The following PPP2R2B variants were observed in gnomAD, a reference collection of about 807,000 sequenced individuals.
PPP2R2B encodes serine/threonine-protein phosphatase 2A 55 kDa regulatory subunit B beta isoform.
PPP2R2B carries 5 observed loss-of-function variants against 46.0 expected under a neutral mutation model. That is an observed-to-expected ratio of 0.11 (90% CI 0.06 to 0.23). The LOEUF (loss-of-function observed/expected upper bound fraction) is 0.23. Among genes scored for constraint, PPP2R2B ranks in the 10% least tolerant of loss-of-function variants. The probability of loss-of-function intolerance (pLI) is 1.00; values close to 1 mark genes in which losing one functional copy is unlikely to be tolerated. For synonymous variants in PPP2R2B, 215 were observed against 206.7 expected (o/e 1.04, Z -0.34); for missense variants, 367 against 575.0 (o/e 0.64, Z 3.70).
At chr5:146,691,105 C>A (rs1030187813) in intron 5 of PPP2R2B, 23 bp downstream of exon 5, 1 of 1,600,098 alleles carries the variant, frequency 6.2e-7, no homozygotes, top group Non-Finnish European at 8.6e-7. Context: ...ACTGTGGTGG[C>A]CAGGGCAGCT....
chr5:146,761,848 T>C (rs779953993), intron 2 of PPP2R2B, among the ~76,000 whole-genome samples: 5 of 152,144 alleles, frequency 3.3e-5, no homozygotes, highest in Non-Finnish European at 5.9e-5. Context: ...TTAGTAATGT[T>C]TCCCTGGCTT....
intron 2 of PPP2R2B, among the ~76,000 whole-genome samples, chr5:146,713,394 A>G (rs949070158): frequency 3.3e-5 from 5 of 152,218 alleles, no homozygotes; most frequent in African/African-American, 1.2e-4. Flanking sequence ...GGGCACAACA[A>G]TGTGAATGTA....
At chr5:146,696,139 T>C (rs1025795923) in intron 4 of PPP2R2B, among the ~76,000 whole-genome samples, 8 of 151,914 alleles carry the variant, frequency 5.3e-5, no homozygotes, top group African/African-American at 1.5e-4. Context: ...AGTCTTGCTC[T>C]GTCGCCCAGG....
At chr5:146,981,932 C>T (rs1305736516) in intron 1 of PPP2R2B, among the ~76,000 whole-genome samples, 1 of 152,210 alleles carries the variant, frequency 6.6e-6, no homozygotes. Context: ...CAAACCCTAA[C>T]CTCTGCAGCA....
intron 5 of PPP2R2B, among the ~76,000 whole-genome samples, chr5:146,671,141 T>C (rs527967129): frequency 6.6e-6 from 1 of 152,320 alleles, no homozygotes. Context: ...TGTGATTCAA[T>C]ATTACTTACA....
chr5:146,884,417 C>T (rs13361498), intron 1 of PPP2R2B, among the ~76,000 whole-genome samples: 2,789 of 152,188 alleles, frequency 0.018, 92 homozygotes, highest in African/African-American at 0.063. Context: ...TGAGTAATTG[C>T]TTTTATAGGG....
intron 1 of PPP2R2B, among the ~76,000 whole-genome samples, chr5:147,046,832 G>A (rs370891716): frequency 7.9e-5 from 12 of 152,122 alleles, no homozygotes; most frequent in African/African-American, 2.7e-4. Context: ...GTGCTCAGTT[G>A]GTTTTTATTA....
chr5:146,599,402 G>T (rs1383568910), intron 8 of PPP2R2B, among the ~76,000 whole-genome samples: 1 of 152,126 alleles, frequency 6.6e-6, no homozygotes, highest in Admixed American at 6.5e-5. Flanking sequence ...TGTCTGTTTG[G>T]CAAACTGCAA....
rs56697862 is a variant in PPP2R2B at position 146,781,131 on chromosome 5, G to GATATATATATATATATATAT, written c.71-80009_71-79990dup. On this transcript the variant is annotated intron_variant, in intron 2 of 9. Transcript: ENST00000394411. ...TCACTTACATACATAATGCCACCAT[G>GATATATATATATATATATAT]ATATATATATATATATATATATATA... is the stretch of plus-strand genomic sequence containing the variant. Among the ~76,000 whole-genome samples the GATATATATATATATATATAT allele has an allele frequency of 9.5e-4, 47 of 49,454 alleles. 3 individuals carry two copies. Among genetic ancestry groups the GATATATATATATATATATAT allele is most frequent in the Admixed American group, 2.1e-3 (8 of 3,726 alleles). The allele number at this position is 49,454 out of a possible 152,430, so 32.4% of individuals were successfully genotyped here. A position where few individuals can be genotyped will look rare whatever the true frequency, so the allele number is the denominator to read the frequency against.
intron 7 of PPP2R2B, among the ~76,000 whole-genome samples, chr5:146,609,042 C>T (rs1400535565): frequency 6.6e-6 from 1 of 152,030 alleles, no homozygotes; most frequent in African/African-American, 2.4e-5. Flanking sequence ...ACTAGCAAAC[C>T]GAATTCAACA....
intron 7 of PPP2R2B, among the ~76,000 whole-genome samples, chr5:146,627,330 T>G (rs1774132265): frequency 6.6e-6 from 1 of 152,236 alleles, no homozygotes; most frequent in Non-Finnish European, 1.5e-5. Flanking sequence ...TTCATTGCAG[T>G]TGCTGTCTCA....
intron 2 of PPP2R2B, among the ~76,000 whole-genome samples, chr5:147,079,220 G>T (rs1580894683): frequency 6.6e-6 from 1 of 151,404 alleles, no homozygotes; most frequent in East Asian, 1.9e-4. Context: ...TCCCACTACT[G>T]ATTCTATATT....
At chr5:146,787,972 A>G (rs1363226248) in intron 2 of PPP2R2B, among the ~76,000 whole-genome samples, 3 of 152,130 alleles carry the variant, frequency 2.0e-5, no homozygotes, top group African/African-American at 7.2e-5. Flanking sequence ...TCTCTCTACT[A>G]TAGTTAAGGA....
At position 146,848,063 on chromosome 5, in the gene PPP2R2B, C is replaced by T. The variant is rs577030118; in HGVS notation, c.70+29939G>A. On this transcript the variant is annotated intron_variant, in intron 2 of 9. Coordinates refer to ENST00000394411, the MANE Select transcript of PPP2R2B (RefSeq NM_181675.4). Reference sequence around the variant, plus strand: ...TTTTTCCCAATAGCTGTCCATACTCCGTCATTTTACCTGCGTTACAGTCGC... The same window carrying T: ...TTTTTCCCAATAGCTGTCCATACTCTGTCATTTTACCTGCGTTACAGTCGC... Among the ~76,000 whole-genome samples, 11 of 152,306 alleles carry T rather than the reference C, an allele frequency of 7.2e-5. No homozygotes were observed. The East Asian group carries it at 9.6e-4, about 13-fold the overall frequency.
intron 5 of PPP2R2B, among the ~76,000 whole-genome samples, chr5:146,673,345 C>T (rs532858025): frequency 1.2e-4 from 18 of 152,196 alleles, no homozygotes; most frequent in South Asian, 2.1e-4. Flanking sequence ...AATTTGCAAA[C>T]GTTAACTGGG....
At chr5:146,866,398 T>C (rs1330668570) in intron 2 of PPP2R2B, among the ~76,000 whole-genome samples, 3 of 152,206 alleles carry the variant, frequency 2.0e-5, no homozygotes, top group East Asian at 1.9e-4. Flanking sequence ...CTGGGAAAGA[T>C]GACACAAATT....
At chr5:146,657,268 T>C (rs1259147294) in intron 5 of PPP2R2B, among the ~76,000 whole-genome samples, 4 of 152,064 alleles carry the variant, frequency 2.6e-5, no homozygotes, top group African/African-American at 7.2e-5. Context: ...AACAGCTGTG[T>C]TTACCATGGC....
intron 6 of PPP2R2B, among the ~76,000 whole-genome samples, chr5:146,640,176 G>A (rs1046439107): frequency 6.6e-5 from 10 of 152,170 alleles, no homozygotes; most frequent in African/African-American, 2.4e-4. Flanking sequence ...GTATTTGGTT[G>A]TGCCTCTTTC....
chr5:147,065,512 T>C (rs1757391290), intron 2 of PPP2R2B, among the ~76,000 whole-genome samples: 1 of 152,084 alleles, frequency 6.6e-6, no homozygotes, highest in South Asian at 2.1e-4. Context: ...GATGCTACTC[T>C]GGATACAGTG....
Sources: gnomAD v4.1 joint callset for allele counts (sites outside exome capture counted in the v4.1 genomes callset) on GRCh38, gnomAD v4.1.1 for gene constraint, MANE v1.5 for transcripts, NCBI Gene and HGNC (gene_info 2026-07-23, HGNC 2026-07-21) for gene names.